The following HERC1 variants were observed in gnomAD, a reference collection of about 807,000 sequenced individuals.
HERC1 encodes HECT and RLD domain containing E3 ubiquitin protein ligase family member 1, also known as probable E3 ubiquitin-protein ligase HERC1.
In HERC1, 160 loss-of-function variants were observed where a neutral mutation model predicts 554.3. That is an observed-to-expected ratio of 0.29 (90% CI 0.25 to 0.33). The LOEUF (loss-of-function observed/expected upper bound fraction) is 0.33, where lower values mean the gene tolerates loss of function less well. Among genes scored for constraint, HERC1 ranks in the 10% least tolerant of loss-of-function variants. The pLI, the probability that HERC1 is intolerant of heterozygous loss-of-function variation, is 1.00. For synonymous variants in HERC1, 2,175 were observed against 2,131.7 expected, an observed-to-expected ratio of 1.02 and a Z score of -0.56; for missense variants, 4,919 against 5,918.5, an observed-to-expected ratio of 0.83 and a Z score of 5.54.
intron 26 of HERC1, among the ~76,000 whole-genome samples, chr15:63,698,240 A>T (rs1025291977): frequency 6.6e-6 from 1 of 152,038 alleles, no homozygotes; most frequent in Admixed American, 6.6e-5. Context: ...ACATGGTGAA[A>T]CTTTGTCTCT....
chr15:63,685,002 C>A (rs1408962869), intron 34 of HERC1, among the ~76,000 whole-genome samples: 1 of 152,212 alleles, frequency 6.6e-6, no homozygotes, highest in African/African-American at 2.4e-5. Context: ...GAGCAAGACT[C>A]CGTCTCAACC....
chr15:63,757,011 A>T (rs1397023519), intron 4 of HERC1, among the ~76,000 whole-genome samples: 1 of 152,210 alleles, frequency 6.6e-6, no homozygotes, highest in Non-Finnish European at 1.5e-5. Context: ...GAAACAACAA[A>T]GTAAAACGCT....
intron 34 of HERC1, among the ~76,000 whole-genome samples, chr15:63,683,361 T>A (rs940532993): frequency 6.6e-6 from 1 of 152,110 alleles, no homozygotes; most frequent in African/African-American, 2.4e-5. Flanking sequence ...TTTGCTATGA[T>A]TTTTTCCTAT....
rs771842729 is a variant in HERC1, at chr15:63,654,319, G to C, written c.10090C>G (p.Leu3364Val). 22 of 1,612,354 alleles carry C rather than the reference G, an allele frequency of 1.4e-5. No individual in the cohort carries two copies. The highest frequency in any genetic ancestry group is 1.8e-5 in the Non-Finnish European group (21 of 1,178,914). The change falls in exon 51 of 78, where the codon CTG becomes GTG. Residue 3364 changes from leucine (L) to valine (V), a missense_variant. Transcript: ENST00000443617. ...GCTGCCAGGGCATTAGCCAACTCCA[G>C]AGGGCCTACAGCAGAAGGATCATAG... ...DKSEVEKKGP[L>V]ELANALAACC...
chr15:63,637,660 G>A lies in HERC1; in HGVS notation c.12094-17C>T, dbSNP rs1015716146. On this transcript the variant is annotated splice_polypyrimidine_tract_variant and intron_variant, in intron 63 of 77. Transcript: ENST00000443617. ...ACAAATGACCTAGTATAAAAACACA[G>A]AATTAAATATTTTATTCTTTATTAT... is the stretch of plus-strand genomic sequence containing the variant. 14 of 1,536,524 alleles carry A rather than the reference G, an allele frequency of 9.1e-6. No individual in the cohort carries two copies. Among genetic ancestry groups the A allele is most frequent in the African/African-American group, 8.3e-5 (6 of 72,362 alleles).
intron 4 of HERC1, among the ~76,000 whole-genome samples, chr15:63,757,552 C>A (rs1567094096): frequency 1.3e-5 from 2 of 152,028 alleles, no homozygotes; most frequent in Non-Finnish European, 2.9e-5. Flanking sequence ...CAGGTGTGAG[C>A]CACCATACCA....
chr15:63,766,385 C>T (rs891211415), intron 2 of HERC1, among the ~76,000 whole-genome samples: 92 of 152,106 alleles, frequency 6.0e-4, no homozygotes, highest in African/African-American at 2.1e-3. Context: ...GTCAGGAGTT[C>T]AAGACCAGCC....
intron 1 of HERC1, among the ~76,000 whole-genome samples, chr15:63,778,270 G>C (rs1487032172): frequency 6.6e-6 from 1 of 152,174 alleles, no homozygotes; most frequent in Non-Finnish European, 1.5e-5. Context: ...GGCTAGTGAA[G>C]GGGGCTAAAA....
intron 70 of HERC1, among the ~76,000 whole-genome samples, chr15:63,627,501 C>A (rs1206819625): frequency 1.3e-5 from 2 of 152,178 alleles, no homozygotes; most frequent in South Asian, 2.1e-4. Context: ...TGGCGAAACA[C>A]CATCTCTACT....
chr15:63,656,298 C>A lies in HERC1; in HGVS notation c.9660G>T (p.Thr3220=). 1.2e-6 allele frequency: 2 copies of A among 1,613,822 alleles called. No individual in the cohort carries two copies. The highest frequency in any genetic ancestry group is 1.7e-6 in the Non-Finnish European group (2 of 1,179,798). The part of the protein sequence containing the change: ...LESLGLTDIR[T]LVRLMCLAAA... ...CTGCCAAGCACATTAATCGAACTAG[C>A]GTTCGGATATCTGTTAGCCCCAGAG... Residue 3220 remains threonine, a synonymous_variant, in exon 49 of 78, where the codon ACG becomes ACT. Coordinates refer to ENST00000443617, the MANE Select transcript of HERC1 (RefSeq NM_003922.4).
intron 19 of HERC1, among the ~76,000 whole-genome samples, chr15:63,720,952 A>T (rs1322234384): frequency 2.0e-5 from 3 of 152,202 alleles, no homozygotes; most frequent in African/African-American, 4.8e-5. Flanking sequence ...TGTTTCCACT[A>T]TTCAGGAATA....
chr15:63,666,953 G>C (rs993223056), intron 40 of HERC1, among the ~76,000 whole-genome samples: 22 of 152,194 alleles, frequency 1.4e-4, no homozygotes, highest in Non-Finnish European at 2.6e-4. Flanking sequence ...TACATTCTTC[G>C]CATTTTTATG....
chr15:63,727,573 A>G lies in HERC1; in HGVS notation c.3346+74T>C. 9.3e-7 allele frequency: 1 copy of G among 1,075,622 alleles called. No individual in the cohort carries two copies. The highest frequency in any genetic ancestry group is 2.6e-5 in the East Asian group (1 of 38,536). 66.6% of individuals were successfully genotyped at this position (1,075,622 alleles called of 1,614,324 possible). ...CTTAGGATAGATAGACTCCAATGGAAAAACACAGTGATGTGTGCAAGAGGA... is the reference window on the plus strand; with the variant it reads ...CTTAGGATAGATAGACTCCAATGGAGAAACACAGTGATGTGTGCAAGAGGA... On this transcript the variant is annotated intron_variant, in intron 17 of 77. Coordinates refer to ENST00000443617, the MANE Select transcript of HERC1 (RefSeq NM_003922.4). The surrounding 1 kb of genome is among the most constrained non-coding windows in gnomAD (Gnocchi z 4.3).
intron 38 of HERC1, 103 bp downstream of exon 38, chr15:63,674,236 AATT>A: frequency 5.2e-6 from 5 of 960,030 alleles, no homozygotes; most frequent in Non-Finnish European, 7.2e-6. Flanking sequence ...CCAAAAAAAA[AATT>A]TTTTTTTTTT....
In HERC1 at chr15:63,742,923, A is replaced by ATAGC. The variant is rs1241860791; in HGVS notation, c.2520+3991_2520+3994dup. Among the ~76,000 whole-genome samples, 7 of 152,292 alleles carry ATAGC rather than the reference A, an allele frequency of 4.6e-5. No individual in the cohort carries two copies. In the East Asian group the frequency reaches 1.3e-3, roughly 29 times the overall value. On this transcript the variant is annotated intron_variant, in intron 12 of 77. Transcript: ENST00000443617. ...CTGAAGAATGCATCAGAGTACTTTA[A>ATAGC]TAGCTGGTCTATAGTTTTTCTTTTC...
intron 2 of HERC1, among the ~76,000 whole-genome samples, chr15:63,765,975 T>A (rs2075763949): frequency 6.6e-6 from 1 of 152,108 alleles, no homozygotes; most frequent in East Asian, 1.9e-4. Flanking sequence ...TGGTTTACAC[T>A]CATCTCCCAG....
At position 63,624,250 on chromosome 15, in the gene HERC1, G is replaced by T; in HGVS notation, c.13353C>A (p.Val4451=). 6.2e-7 allele frequency: 1 copy of T among 1,613,880 alleles called. No homozygotes were observed. The highest frequency in any genetic ancestry group is 1.7e-5 in the Admixed American group (1 of 60,028). The change falls in exon 72 of 78, where the codon GTC becomes GTA. Residue 4451 remains valine, a synonymous_variant. Coordinates refer to ENST00000443617, the MANE Select transcript of HERC1 (RefSeq NM_003922.4). ...TGGAGCGCACCATTGGCAGAGTGTA[G>T]ACTCTTGGGGCTAACAAAGGCCGAA... ...GQLRPLLAPR[V]YTLPMVRSIG... is the part of the protein sequence containing the mutation.
In HERC1 at chr15:63,694,011, T is replaced by C. The variant is rs1314643870; in HGVS notation, c.5627A>G (p.Glu1876Gly). The C allele has an allele frequency of 1.9e-6, 3 of 1,566,302 alleles. No individual in the cohort carries two copies. The highest frequency in any genetic ancestry group is 2.3e-5 in the East Asian group (1 of 42,830). The change falls in exon 30 of 78, where the codon GAA becomes GGA. Residue 1876 changes from glutamate to glycine, a missense_variant. Around this residue, in one of 11 missense-constraint regions of HERC1, gnomAD observed 1,121 missense variants for 1,244.0 expected, o/e 0.90. Coordinates refer to ENST00000443617, the MANE Select transcript of HERC1 (RefSeq NM_003922.4). The surrounding 1 kb of genome is among the most constrained non-coding windows in gnomAD (Gnocchi z 4.3). The part of the protein sequence containing the change: ...EGEQEDGEEE[E>G]KKVDSSGETE... ...TTCTCCACTGGAGTCAACTTTTTTT[T>C]CTTCTTCTTCACCGTCTTCTTGCTC...
intron 1 of HERC1, among the ~76,000 whole-genome samples, chr15:63,810,486 C>T (rs529165884): frequency 1.3e-5 from 2 of 151,936 alleles, no homozygotes; most frequent in Admixed American, 1.3e-4. Context: ...CTCTGGAAGA[C>T]ACATAAGAAA....
Sources: allele counts gnomAD v4.1 joint callset (sites outside exome capture counted in the v4.1 genomes callset), GRCh38; gene constraint gnomAD v4.1.1; regional missense constraint gnomAD v4.1.1; non-coding constraint Gnocchi (gnomAD v3.1); transcripts MANE v1.5; gene names NCBI Gene and HGNC (gene_info 2026-07-23, HGNC 2026-07-21).